ZNF521: variants seen among roughly 807,000 people sequenced by gnomAD.
ZNF521 encodes the protein LYST-interacting protein 3.
In ZNF521, 14 loss-of-function variants were observed where a neutral mutation model predicts 105.5. The ratio of observed to expected loss-of-function variants is 0.13; its 90% CI spans 0.09 to 0.21. The LOEUF (loss-of-function observed/expected upper bound fraction) is 0.21, where lower values mean the gene tolerates loss of function less well. ZNF521 is among the 10% of genes least tolerant of loss of function. The pLI is 1.00. For synonymous variants in ZNF521, 635 were observed against 606.0 expected (o/e 1.05, Z -0.70); for missense variants, 1,233 against 1,629.7 (o/e 0.76, Z 4.19).
intron 4 of ZNF521, among the ~76,000 whole-genome samples, chr18:25,218,497 A>AAG (rs1465878097): frequency 2.0e-5 from 3 of 150,986 alleles, no homozygotes; most frequent in Non-Finnish European, 3.0e-5. Flanking sequence ...AAAAAAAAAA[A>AAG]AAAAAAAAAA....
chr18:25,165,653 C>A (rs1414275586), intron 5 of ZNF521, among the ~76,000 whole-genome samples: 1 of 152,200 alleles, frequency 6.6e-6, no homozygotes, highest in Non-Finnish European at 1.5e-5. Flanking sequence ...AGTTCTGTGG[C>A]TACATGTGGG....
At chr18:25,178,957 C>T (rs1488052803) in intron 5 of ZNF521, among the ~76,000 whole-genome samples, 4 of 152,018 alleles carry the variant, frequency 2.6e-5, no homozygotes, top group African/African-American at 4.8e-5. Flanking sequence ...GTTCTGCTCA[C>T]GCCTCAGTTT....
At chr18:25,282,078 T>C (rs185841289) in intron 3 of ZNF521, among the ~76,000 whole-genome samples, 2 of 152,348 alleles carry the variant, frequency 1.3e-5, no homozygotes, top group Non-Finnish European at 2.9e-5. Flanking sequence ...CACTCGTTTA[T>C]AATTATAGGA....
At position 25,226,623 on chromosome 18, in the gene ZNF521, T is replaced by C; in HGVS notation, c.1295A>G (p.Lys432Arg). The change falls in exon 4 of 8, where the codon AAG (lysine) becomes AGG (arginine). Residue 432 changes from lysine to arginine, a missense_variant. Physicochemically the swap from Lys to Arg is conservative, Grantham distance 26 (BLOSUM62 2). This residue lies in a region of ZNF521 where 380 missense variants were observed against 478.0 expected (regional missense o/e 0.80). Coordinates refer to ENST00000361524, the MANE Select transcript of ZNF521 (RefSeq NM_015461.3). This position sits in a 1 kb window ranked among gnomAD's most constrained non-coding sequence, Gnocchi z 4.1. Reference protein sequence around the residue: ...QIHLKTMHLDKPEQAHICQYC... With the variant: ...QIHLKTMHLDRPEQAHICQYC... The stretch of plus-strand genomic sequence containing the variant: ...CTGACAAATATGGGCCTGTTCTGGC[T>C]TATCTAAGTGCATAGTTTTCAGGTG... The C allele has an allele frequency of 1.2e-6, 2 of 1,614,212 alleles. No individual in the cohort carries two copies. Among genetic ancestry groups the C allele is most frequent in the Non-Finnish European group, 1.7e-6 (2 of 1,180,036 alleles).
intron 3 of ZNF521, among the ~76,000 whole-genome samples, chr18:25,314,402 A>G (rs1031929817): frequency 1.3e-5 from 2 of 152,206 alleles, no homozygotes; most frequent in East Asian, 1.9e-4. Flanking sequence ...CTTTGGCCAA[A>G]TAATAAGGAT....
chr18:25,117,872 T>G (rs1467031436), intron 5 of ZNF521, among the ~76,000 whole-genome samples: 2 of 151,960 alleles, frequency 1.3e-5, no homozygotes, highest in Admixed American at 6.6e-5. Flanking sequence ...AAGATACAAC[T>G]CTACAGACTC....
At chr18:25,310,385 A>G (rs1912232587) in intron 3 of ZNF521, among the ~76,000 whole-genome samples, 1 of 151,914 alleles carries the variant, frequency 6.6e-6, no homozygotes, top group Non-Finnish European at 1.5e-5. Context: ...ATTCTGCTCT[A>G]TAAGTAGGTA....
At chr18:25,134,226 G>A (rs759426803) in intron 5 of ZNF521, among the ~76,000 whole-genome samples, 2 of 152,074 alleles carry the variant, frequency 1.3e-5, no homozygotes, top group Non-Finnish European at 2.9e-5. Context: ...AAAGACTTCT[G>A]GAACCATCCC....
At chr18:25,268,225 A>C (rs1346316739) in intron 3 of ZNF521, among the ~76,000 whole-genome samples, 3 of 152,162 alleles carry the variant, frequency 2.0e-5, no homozygotes, top group Non-Finnish European at 2.9e-5. Context: ...AGAAGACAAG[A>C]CTGAAGTAAG....
intron 4 of ZNF521, among the ~76,000 whole-genome samples, chr18:25,197,217 T>G (rs905741549): frequency 1.1e-4 from 17 of 151,900 alleles, no homozygotes; most frequent in Non-Finnish European, 4.4e-5. Context: ...AATACTATGT[T>G]ATATTTTTTA....
At chr18:25,173,064 C>T (rs2035475482) in intron 5 of ZNF521, among the ~76,000 whole-genome samples, 1 of 152,216 alleles carries the variant, frequency 6.6e-6, no homozygotes, top group Non-Finnish European at 1.5e-5. Flanking sequence ...TCCAAATTTA[C>T]CAGATTCAAT....
At position 25,227,111 on chromosome 18, in the gene ZNF521, G is replaced by A. The variant is rs533502171; in HGVS notation, c.807C>T (p.His269=). The A allele has an allele frequency of 1.4e-5, 23 of 1,614,156 alleles. No homozygotes were observed. The highest frequency in any genetic ancestry group is 3.3e-5 in the Admixed American group (2 of 60,030). The part of the protein sequence containing the change: ...EDLQKHIAEC[H]PECSPNEDRA... ...GGTCCTCATTTGGGGAGCATTCGGG[G>A]TGGCACTCTGCAATGTGTTTTTGGA... The change falls in exon 4 of 8, where the codon CAC becomes CAT. Residue 269 remains histidine, a synonymous_variant. Transcript: ENST00000361524. This position sits in a 1 kb window ranked among gnomAD's most constrained non-coding sequence, Gnocchi z 5.7.
chr18:25,219,378 TAG>T (rs1173481407), intron 4 of ZNF521, among the ~76,000 whole-genome samples: 19 of 151,904 alleles, frequency 1.3e-4, no homozygotes, highest in African/African-American at 3.9e-4. Context: ...ACAGGTGAAA[TAG>T]AAAACATAAG....
chr18:25,301,718 G>A (rs1911650141), intron 3 of ZNF521, among the ~76,000 whole-genome samples: 1 of 152,196 alleles, frequency 6.6e-6, no homozygotes. Flanking sequence ...AAAGAATGGG[G>A]TAGCAGCTAG....
intron 4 of ZNF521, among the ~76,000 whole-genome samples, chr18:25,203,095 G>A (rs9946213): frequency 0.49 from 74,780 of 151,982 alleles, 18,746 homozygotes; most frequent in African/African-American, 0.59. Flanking sequence ...GCATTACAAT[G>A]TGATTGGGGA....
rs1318817536 is a variant in ZNF521, at chr18:25,225,101, G to T, written c.2817C>A (p.Phe939Leu). 2.5e-6 allele frequency: 4 copies of T among 1,614,066 alleles called. No individual in the cohort carries two copies. Among genetic ancestry groups the T allele is most frequent in the African/African-American group, 1.3e-5 (1 of 74,940 alleles). Residue 939 changes from phenylalanine to leucine, a missense_variant, in exon 4 of 8, where the codon TTC becomes TTA. Transcript: ENST00000361524. This position sits in a 1 kb window ranked among gnomAD's most constrained non-coding sequence, Gnocchi z 5.6. ...GTTCCCGGAGGCCATTTTCGGAGAA[G>T]AAGGTTCGAGAGCACACGTTGCACT... ...NYKCNVCSRTFFSENGLREHM... is the reference protein window; with the variant it reads ...NYKCNVCSRTLFSENGLREHM...
intron 3 of ZNF521, among the ~76,000 whole-genome samples, chr18:25,244,106 C>A (rs934766471): frequency 1.2e-4 from 19 of 152,082 alleles, no homozygotes; most frequent in Non-Finnish European, 4.4e-5. Context: ...TGAGAAACTC[C>A]AAGACTACCT....
intron 3 of ZNF521, among the ~76,000 whole-genome samples, chr18:25,265,984 C>A (rs1379678971): frequency 6.6e-6 from 1 of 151,966 alleles, no homozygotes; most frequent in Non-Finnish European, 1.5e-5. Context: ...AACTAAAAAT[C>A]AAAACAATTG....
At chr18:25,243,024 C>T (rs983432277) in intron 3 of ZNF521, among the ~76,000 whole-genome samples, 2 of 152,194 alleles carry the variant, frequency 1.3e-5, no homozygotes, top group Non-Finnish European at 2.9e-5. Context: ...TTTTGTAACA[C>T]TCCCTGACTC....
Sources: allele counts gnomAD v4.1 joint callset (sites outside exome capture counted in the v4.1 genomes callset), GRCh38; gene constraint gnomAD v4.1.1; regional missense constraint gnomAD v4.1.1; non-coding constraint Gnocchi (gnomAD v3.1); transcripts MANE v1.5; gene names NCBI Gene and HGNC (gene_info 2026-07-23, HGNC 2026-07-21).